DNER: variants seen among roughly 807,000 people sequenced by gnomAD.
DNER encodes the protein delta/notch like EGF repeat containing.
A neutral mutation model predicts 78.2 loss-of-function variants in DNER; 33 were observed. The ratio of observed to expected loss-of-function variants is 0.42; its 90% CI spans 0.32 to 0.56. The LOEUF is 0.56. Ranked by LOEUF, DNER falls within the 20% of genes least tolerant of loss-of-function variation. The pLI is 0.11. For missense variants in DNER, 918 were observed against 975.3 expected, an observed-to-expected ratio of 0.94 and a Z score of 0.78; for synonymous variants, 417 against 384.8, an observed-to-expected ratio of 1.08 and a Z score of -0.98.
intron 8 of DNER, among the ~76,000 whole-genome samples, chr2:229,428,125 G>C (rs1693922970): frequency 6.6e-6 from 1 of 151,728 alleles, no homozygotes; most frequent in Admixed American, 6.6e-5. Flanking sequence ...GAAACAGGCA[G>C]GTGTCAGGCC....
intron 1 of DNER, among the ~76,000 whole-genome samples, chr2:229,623,711 G>A (rs573083820): frequency 1.3e-5 from 2 of 152,326 alleles, no homozygotes; most frequent in East Asian, 1.9e-4. Context: ...GCTGTCATTG[G>A]AGTGAGCACT....
chr2:229,496,739 T>C (rs986742353), intron 6 of DNER, among the ~76,000 whole-genome samples: 1 of 152,126 alleles, frequency 6.6e-6, no homozygotes, highest in Non-Finnish European at 1.5e-5. Context: ...AAGGGGTCAA[T>C]TCAATAAGAG....
intron 8 of DNER, among the ~76,000 whole-genome samples, chr2:229,443,378 G>T (rs141276024): frequency 3.3e-5 from 5 of 152,240 alleles, no homozygotes; most frequent in African/African-American, 1.2e-4. Context: ...CCACCCCAGC[G>T]AGTTCCACCT....
intron 6 of DNER, among the ~76,000 whole-genome samples, chr2:229,479,131 C>T (rs1695099714): frequency 6.6e-6 from 1 of 152,158 alleles, no homozygotes; most frequent in Non-Finnish European, 1.5e-5. Context: ...CATGTCCCTG[C>T]AAAGGACATG....
At chr2:229,568,695 T>C (rs1468379211) in intron 4 of DNER, among the ~76,000 whole-genome samples, 1 of 152,178 alleles carries the variant, frequency 6.6e-6, no homozygotes, top group African/African-American at 2.4e-5. Flanking sequence ...CACTCACTTT[T>C]GAATGCTCCA....
chr2:229,613,651 G>A (rs759373998), intron 1 of DNER, among the ~76,000 whole-genome samples: 4 of 151,364 alleles, frequency 2.6e-5, no homozygotes, highest in Admixed American at 6.6e-5. Flanking sequence ...AGAAAATTAA[G>A]AGCTAAGTTT....
At chr2:229,417,944 A>G (rs1457413942) in intron 9 of DNER, among the ~76,000 whole-genome samples, 164 bp downstream of exon 9, 1 of 152,232 alleles carries the variant, frequency 6.6e-6, no homozygotes, top group African/African-American at 2.4e-5. Context: ...GAAACCAGAG[A>G]CTTGCAAATT....
intron 1 of DNER, among the ~76,000 whole-genome samples, chr2:229,614,446 C>G (rs986023306): frequency 5.3e-5 from 8 of 152,194 alleles, no homozygotes; most frequent in Non-Finnish European, 8.8e-5. Flanking sequence ...CTGAAGTCCT[C>G]TACCATTGGG....
chr2:229,624,564 CTAA>C (rs772897764), intron 1 of DNER, among the ~76,000 whole-genome samples: 1 of 152,092 alleles, frequency 6.6e-6, no homozygotes, highest in South Asian at 2.1e-4. Context: ...CAGAAATACA[CTAA>C]TGTTTTCCTA....
At chr2:229,463,036 C>T (rs1373645919) in intron 7 of DNER, among the ~76,000 whole-genome samples, 1 of 152,036 alleles carries the variant, frequency 6.6e-6, no homozygotes, top group African/African-American at 2.4e-5. Context: ...ATCACAGTAC[C>T]CTGCTCACCC....
intron 6 of DNER, among the ~76,000 whole-genome samples, chr2:229,477,941 C>A (rs559496108): frequency 6.6e-6 from 1 of 152,092 alleles, no homozygotes; most frequent in African/African-American, 2.4e-5. Context: ...GGATGTAAAT[C>A]GATTGGAACA....
intron 10 of DNER, among the ~76,000 whole-genome samples, chr2:229,405,729 C>T (rs1293939414): frequency 6.6e-6 from 1 of 152,090 alleles, no homozygotes; most frequent in Admixed American, 6.5e-5. Flanking sequence ...CACACACAGA[C>T]CTTCAGGAAA....
chr2:229,593,809 C>T (rs1697654867), intron 1 of DNER, among the ~76,000 whole-genome samples: 1 of 152,206 alleles, frequency 6.6e-6, no homozygotes, highest in African/African-American at 2.4e-5. Flanking sequence ...CAAAGCCATG[C>T]TTCTGAAATC....
rs1331171715 is a variant in DNER, at chr2:229,700,372, G to A, written c.276+13776C>T. Among the ~76,000 whole-genome samples the A allele has an allele frequency of 2.1e-5, 3 of 145,054 alleles. No individual in the cohort carries two copies. In the East Asian group the frequency reaches 6.0e-4, roughly 29 times the overall value. ...TTTTTTTGAGACAGCATCTCACTCT[G>A]TCATCCAGGCTGGAGTGCAGTGGTG... On this transcript the variant is annotated intron_variant, in intron 1 of 12. Coordinates refer to ENST00000341772, the MANE Select transcript of DNER (RefSeq NM_139072.4).
intron 5 of DNER, among the ~76,000 whole-genome samples, chr2:229,515,251 T>C (rs1695946918): frequency 6.6e-6 from 1 of 152,238 alleles, no homozygotes; most frequent in Admixed American, 6.5e-5. Flanking sequence ...CTCCTTTTTT[T>C]AGAACTGTCT....
chr2:229,642,911 G>A (rs140127230), intron 1 of DNER, among the ~76,000 whole-genome samples: 2 of 152,286 alleles, frequency 1.3e-5, no homozygotes, highest in East Asian at 3.9e-4. Context: ...GAAGCACATA[G>A]AATATGGAAG....
intron 3 of DNER, chr2:229,586,614 CCAG>C (rs1697507665): frequency 2.0e-6 from 2 of 983,524 alleles, no homozygotes; most frequent in Admixed American, 1.2e-4. Context: ...AACCCCAACC[CCAG>C]CTGCCCTCCT....
chr2:229,522,968 T>C (rs958552704), intron 5 of DNER, among the ~76,000 whole-genome samples: 10 of 152,214 alleles, frequency 6.6e-5, no homozygotes, highest in Non-Finnish European at 1.5e-5. Context: ...GTCACACAGC[T>C]AGTCAGAGGC....
intron 1 of DNER, among the ~76,000 whole-genome samples, chr2:229,680,504 A>G (rs2193218): frequency 0.68 from 103,294 of 152,070 alleles, 36,141 homozygotes; most frequent in Middle Eastern, 0.79. Flanking sequence ...TAATTTTATC[A>G]TTCCTTGAAG....
Sources: allele counts gnomAD v4.1 joint callset (sites outside exome capture counted in the v4.1 genomes callset), GRCh38; gene constraint gnomAD v4.1.1; transcripts MANE v1.5; gene names NCBI Gene and HGNC (gene_info 2026-07-23, HGNC 2026-07-21).